The following GRID1 variants were observed in gnomAD, a reference collection of about 807,000 sequenced individuals.
GRID1 encodes the protein glutamate receptor ionotropic, delta-1.
GRID1 carries 28 observed loss-of-function variants against 98.0 expected under a neutral mutation model. The observed-to-expected ratio is 0.29, with a 90% CI of 0.21 to 0.39. The LOEUF is 0.39. Ranked by LOEUF, GRID1 falls within the 10% of genes least tolerant of loss-of-function variation. GRID1 has a pLI of 1.00. For synonymous variants in GRID1, 553 were observed against 538.5 expected, an observed-to-expected ratio of 1.03 and a Z score of -0.37; for missense variants, 1,111 against 1,340.5, an observed-to-expected ratio of 0.83 and a Z score of 2.67.
chr10:86,236,135 A>G (rs1044907427), intron 2 of GRID1, among the ~76,000 whole-genome samples: 1 of 152,188 alleles, frequency 6.6e-6, no homozygotes, highest in African/African-American at 2.4e-5. Context: ...ATGTCCCTAA[A>G]GACTAACATT....
intron 3 of GRID1, among the ~76,000 whole-genome samples, chr10:86,161,316 G>C (rs536417315): frequency 1.6e-4 from 25 of 152,236 alleles, no homozygotes; most frequent in African/African-American, 5.5e-4. Context: ...GCCTGCATAG[G>C]GGGTGGTGTA....
chr10:85,796,748 C>A (rs1191451497), intron 8 of GRID1, among the ~76,000 whole-genome samples: 2 of 150,822 alleles, frequency 1.3e-5, no homozygotes, highest in Non-Finnish European at 2.9e-5. Flanking sequence ...TGACATCAGA[C>A]TTTTCAAGAG....
intron 6 of GRID1, among the ~76,000 whole-genome samples, chr10:85,859,927 C>T (rs972726542): frequency 1.3e-5 from 2 of 152,190 alleles, no homozygotes; most frequent in African/African-American, 2.4e-5. Flanking sequence ...GCAGTTTATG[C>T]TTGGGGCCCT....
At chr10:86,100,302 T>C (rs573451021) in intron 4 of GRID1, among the ~76,000 whole-genome samples, 15 of 152,316 alleles carry the variant, frequency 9.8e-5, no homozygotes, top group Non-Finnish European at 8.8e-5. Context: ...AGGACTGTAT[T>C]TGAAACATGT....
intron 2 of GRID1, among the ~76,000 whole-genome samples, chr10:86,214,621 G>A (rs987450838): frequency 6.6e-6 from 1 of 152,184 alleles, no homozygotes; most frequent in Non-Finnish European, 1.5e-5. Context: ...CTAGCACTTT[G>A]GGAGGCCAAG....
intron 8 of GRID1, among the ~76,000 whole-genome samples, chr10:85,814,064 A>C (rs941005391): frequency 6.6e-6 from 1 of 151,914 alleles, no homozygotes; most frequent in African/African-American, 2.4e-5. Flanking sequence ...CAAAAAATTA[A>C]TAAGAAAATT....
chr10:85,655,741 G>A (rs949254048), intron 12 of GRID1, among the ~76,000 whole-genome samples: 14 of 152,122 alleles, frequency 9.2e-5, no homozygotes, highest in Non-Finnish European at 4.4e-5. Flanking sequence ...GGAGAACTTT[G>A]CTTTTCTAGA....
intron 8 of GRID1, among the ~76,000 whole-genome samples, chr10:85,748,195 C>A (rs1188381532): frequency 6.6e-6 from 1 of 152,072 alleles, no homozygotes; most frequent in Admixed American, 6.6e-5. Context: ...ACATCTGCAA[C>A]TGAACTGAAA....
chr10:85,884,865 A>C (rs183434069), intron 5 of GRID1, among the ~76,000 whole-genome samples: 2 of 152,320 alleles, frequency 1.3e-5, no homozygotes, highest in East Asian at 3.9e-4. Context: ...AAGTATTTGC[A>C]ATTTAAAAAC....
rs1276704670 is a variant in GRID1 at position 85,824,568 on chromosome 10, T to C, written c.1233+29928A>G. Among the ~76,000 whole-genome samples the C allele has an allele frequency of 2.6e-5, 4 of 152,196 alleles. No homozygotes were observed. The East Asian group carries it at 7.7e-4, about 29-fold the overall frequency. On this transcript the variant is annotated intron_variant, in intron 8 of 15. Coordinates refer to ENST00000327946, the MANE Select transcript of GRID1 (RefSeq NM_017551.3). Reference sequence around the variant, plus strand: ...CATTTTTGAAAATTGCAATAGCTTTTCAGGTACAAGTGGTTTCTGGTTACA... The same window carrying C: ...CATTTTTGAAAATTGCAATAGCTTTCCAGGTACAAGTGGTTTCTGGTTACA...
intron 12 of GRID1, among the ~76,000 whole-genome samples, chr10:85,696,312 A>G (rs1417645506): frequency 1.3e-5 from 2 of 152,132 alleles, no homozygotes; most frequent in Admixed American, 1.3e-4. Context: ...ATTAAAAAAA[A>G]TAGAGAAAGG....
At position 86,012,593 on chromosome 10, in the gene GRID1, C is replaced by G. The variant is rs564810043; in HGVS notation, c.727-96354G>C. Among the ~76,000 whole-genome samples the G allele has an allele frequency of 9.2e-5, 14 of 152,258 alleles. No homozygotes were observed. In the South Asian group the frequency reaches 2.3e-3, roughly 25 times the overall value. ...CTGTGGGCTGAGTGTTTGTGTCCCC[C>G]CCAAAATTCAGGTGTTGCAATCCTA... On this transcript the variant is annotated intron_variant, in intron 4 of 15. Transcript: ENST00000327946.
intron 2 of GRID1, among the ~76,000 whole-genome samples, chr10:86,232,379 A>G (rs934557075): frequency 2.0e-5 from 3 of 152,216 alleles, no homozygotes; most frequent in Non-Finnish European, 4.4e-5. Flanking sequence ...TCCAGTCTCT[A>G]TAATGGGGAC....
intron 13 of GRID1, among the ~76,000 whole-genome samples, chr10:85,623,526 C>T (rs1842879651): frequency 6.6e-6 from 1 of 152,194 alleles, no homozygotes; most frequent in Non-Finnish European, 1.5e-5. Flanking sequence ...GTCTGGCTTC[C>T]CCACTACGGG....
chr10:85,667,582 A>G (rs887899847), intron 12 of GRID1, among the ~76,000 whole-genome samples: 1 of 152,176 alleles, frequency 6.6e-6, no homozygotes, highest in African/African-American at 2.4e-5. Flanking sequence ...TCCATTCAAT[A>G]TCGGATCCAG....
At chr10:85,810,901 C>T (rs573373074) in intron 8 of GRID1, among the ~76,000 whole-genome samples, 7 of 152,236 alleles carry the variant, frequency 4.6e-5, no homozygotes, top group African/African-American at 1.4e-4. Flanking sequence ...ACCCTGACCC[C>T]GGTGAGCCAG....
At chr10:86,047,562 C>A (rs1843441344) in intron 4 of GRID1, among the ~76,000 whole-genome samples, 1 of 152,106 alleles carries the variant, frequency 6.6e-6, no homozygotes, top group South Asian at 2.1e-4. Flanking sequence ...AGTTCCTAAC[C>A]CTGCCCTCTC....
At chr10:85,957,899 C>A (rs1842215660) in intron 4 of GRID1, among the ~76,000 whole-genome samples, 1 of 152,246 alleles carries the variant, frequency 6.6e-6, no homozygotes, top group East Asian at 1.9e-4. Context: ...GCAAACCTGG[C>A]TGTCACCTAT....
At chr10:86,068,487 C>A (rs1029073002) in intron 4 of GRID1, among the ~76,000 whole-genome samples, 1 of 152,210 alleles carries the variant, frequency 6.6e-6, no homozygotes, top group African/African-American at 2.4e-5. Flanking sequence ...AAACTAACCA[C>A]TTGCCACCTC....
Sources: gnomAD v4.1 joint callset for allele counts (sites outside exome capture counted in the v4.1 genomes callset) on GRCh38, gnomAD v4.1.1 for gene constraint, MANE v1.5 for transcripts, NCBI Gene and HGNC (gene_info 2026-07-23, HGNC 2026-07-21) for gene names.